PPP2R2C: variants seen among roughly 807,000 people sequenced by gnomAD.
PPP2R2C encodes protein phosphatase 2 regulatory subunit Bgamma.
In PPP2R2C, 10 loss-of-function variants were observed where a neutral mutation model predicts 45.3. The observed-to-expected ratio is 0.22, with a 90% CI of 0.14 to 0.37. The LOEUF (loss-of-function observed/expected upper bound fraction) is 0.37. Ranked by LOEUF, PPP2R2C falls within the 10% of genes least tolerant of loss-of-function variation. The probability of loss-of-function intolerance (pLI) is 1.00; values close to 1 mark genes in which losing one functional copy is unlikely to be tolerated. For synonymous variants in PPP2R2C, 257 were observed against 245.4 expected (o/e 1.05, Z -0.44); for missense variants, 308 against 619.7 (o/e 0.50, Z 5.34).
intron 1 of PPP2R2C, among the ~76,000 whole-genome samples, chr4:6,427,710 C>T (rs1033346063): frequency 6.6e-6 from 1 of 152,226 alleles, no homozygotes; most frequent in East Asian, 1.9e-4. Context: ...CTAACAGACA[C>T]GGAGCCCCTG....
intron 5 of PPP2R2C, among the ~76,000 whole-genome samples, chr4:6,357,487 G>A (rs964341692): frequency 1.3e-5 from 2 of 152,220 alleles, no homozygotes; most frequent in Admixed American, 1.3e-4. Flanking sequence ...CCAGCCAGAG[G>A]TGCTAGCTAA....
intron 1 of PPP2R2C, among the ~76,000 whole-genome samples, chr4:6,391,422 G>A (rs12647442): frequency 6.6e-6 from 1 of 152,018 alleles, no homozygotes; most frequent in Admixed American, 6.5e-5. Flanking sequence ...CTCTGCACAC[G>A]CGCTGGGCCT....
chr4:6,472,240 G>T lies in PPP2R2C; in HGVS notation c.-11C>A. On this transcript the variant is annotated 5_prime_UTR_variant, in exon 1 of 9. Transcript: ENST00000382599. ...CGTGTCCTCGCCCATTGAAGGCCGT[G>T]CCCGGTGCTCTGGGCATGCCCCGCC... 1 of 1,612,442 alleles carries T rather than the reference G, an allele frequency of 6.2e-7. No homozygotes were observed. The highest frequency in any genetic ancestry group is 2.2e-5 in the East Asian group (1 of 44,822).
intron 1 of PPP2R2C, chr4:6,421,221 G>T: frequency 2.7e-6 from 2 of 749,732 alleles, no homozygotes; most frequent in Non-Finnish European, 3.3e-6. Flanking sequence ...AGGAGCCAAT[G>T]CCACAAAGGA....
At chr4:6,493,237 G>A (rs903080047) in intron 2 of PPP2R2C, among the ~76,000 whole-genome samples, 2 of 151,808 alleles carry the variant, frequency 1.3e-5, no homozygotes, top group Admixed American at 6.6e-5. Flanking sequence ...ACACACGCAC[G>A]CGCGCGCACA....
At chr4:6,421,665 G>T (rs1255034678) in intron 1 of PPP2R2C, among the ~76,000 whole-genome samples, 1 of 151,968 alleles carries the variant, frequency 6.6e-6, no homozygotes, top group African/African-American at 2.4e-5. Flanking sequence ...TGAGAATGAC[G>T]AGGAGAGGGC....
chr4:6,384,162 A>G, intron 1 of PPP2R2C: 1 of 985,492 alleles, frequency 1.0e-6, no homozygotes, highest in Non-Finnish European at 1.2e-6. Context: ...GGACACCCAG[A>G]CACATCTGGG....
intron 2 of PPP2R2C, among the ~76,000 whole-genome samples, chr4:6,535,094 G>A (rs1724559670): frequency 6.6e-6 from 1 of 152,206 alleles, no homozygotes; most frequent in African/African-American, 2.4e-5. Context: ...CCAGGGCCCA[G>A]GCGGCAGGAG....
At chr4:6,514,332 G>A (rs977847725) in intron 2 of PPP2R2C, among the ~76,000 whole-genome samples, 2 of 152,186 alleles carry the variant, frequency 1.3e-5, no homozygotes, top group African/African-American at 4.8e-5. Flanking sequence ...CAGGTAAGAC[G>A]AGGTACTGCC....
chr4:6,323,237 C>T lies in PPP2R2C; in HGVS notation c.*65G>A, dbSNP rs1389079710. 11 of 1,522,944 alleles carry T rather than the reference C, an allele frequency of 7.2e-6. No individual in the cohort carries two copies. The Admixed American group carries it at 1.4e-4, about 20-fold the overall frequency. The allele number at this position is 1,522,944 out of a possible 1,614,324, so 94.3% of individuals were successfully genotyped here. A position where few individuals can be genotyped will look rare whatever the true frequency, so the allele number is the denominator to read the frequency against. On this transcript the variant is annotated 3_prime_UTR_variant, in exon 9 of 9. Transcript: ENST00000382599. ...TTTCTTCCCCTCCTTGCATTGCGGT[C>T]GTGAAGGTCATGTCGGGGATGACTT...
rs538667048 is a variant in PPP2R2C at position 6,330,960 on chromosome 4, C to T, written c.961-1607G>A. Among the ~76,000 whole-genome samples the T allele has an allele frequency of 3.9e-4, 59 of 152,142 alleles. No individual in the cohort carries two copies. Among genetic ancestry groups the T allele is most frequent in the Non-Finnish European group, 7.4e-4 (50 of 68,024 alleles). ...AAGCTGAGGGTCACTGTGTTCCTGT[C>T]TGTCTGGGACCCTCGAGGGTGAGGC... On this transcript the variant is annotated intron_variant, in intron 7 of 8. Transcript: ENST00000382599. This position sits in a 1 kb window ranked among gnomAD's most constrained non-coding sequence, Gnocchi z 7.0.
chr4:6,466,720 T>C (rs1721614989), intron 1 of PPP2R2C, among the ~76,000 whole-genome samples: 1 of 152,142 alleles, frequency 6.6e-6, no homozygotes, highest in South Asian at 2.1e-4. Context: ...CCCTTAGCTC[T>C]GCAAGCTTTA....
chr4:6,329,195 C>G lies in PPP2R2C; in HGVS notation c.1052+67G>C. 1 of 1,492,062 alleles carries G rather than the reference C, an allele frequency of 6.7e-7. No homozygotes were observed. The highest frequency in any genetic ancestry group is 2.3e-5 in the East Asian group (1 of 43,730). 92.4% of individuals were successfully genotyped at this position (1,492,062 alleles called of 1,614,324 possible). ...TGCTGCGGGTCACCGGAATCCCAGC[C>G]CAGACCCCTGCAGGGCAGAAACCCT... is the stretch of plus-strand genomic sequence containing the variant. On this transcript the variant is annotated intron_variant, in intron 8 of 8. Coordinates refer to ENST00000382599, the MANE Select transcript of PPP2R2C (RefSeq NM_020416.4). The surrounding 1 kb of genome is among the most constrained non-coding windows in gnomAD (Gnocchi z 5.8).
chr4:6,483,639 T>C (rs1722436723), intron 2 of PPP2R2C, among the ~76,000 whole-genome samples: 1 of 152,152 alleles, frequency 6.6e-6, no homozygotes, highest in Non-Finnish European at 1.5e-5. Context: ...GCCTTCTTAC[T>C]ATTGAGTTTT....
At position 6,515,799 on chromosome 4, in the gene PPP2R2C, GA is replaced by G. The variant is rs532828199; in HGVS notation, c.49+19471del. On this transcript the variant is annotated intron_variant, in intron 2 of 9. Coordinates refer to the PPP2R2C transcript ENST00000506140. ...AATAAAGTACTGTAAAGCTGTCCTG[GA>G]AACCAGAAGTCCAAGATCGAGGTGT... Among the ~76,000 whole-genome samples, 291 of 152,304 alleles carry G rather than the reference GA, an allele frequency of 1.9e-3. 1 individual carries two copies. Among genetic ancestry groups the G allele is most frequent in the African/African-American group, 6.6e-3 (274 of 41,562 alleles).
At chr4:6,404,417 G>A (rs758669112) in intron 1 of PPP2R2C, among the ~76,000 whole-genome samples, 1 of 152,160 alleles carries the variant, frequency 6.6e-6, no homozygotes, top group Non-Finnish European at 1.5e-5. Flanking sequence ...CCTTGGGGAC[G>A]GGTGCCAGCT....
At chr4:6,523,960 C>A (rs1349582559) in intron 2 of PPP2R2C, among the ~76,000 whole-genome samples, 1 of 152,198 alleles carries the variant, frequency 6.6e-6, no homozygotes. Context: ...GTTGACCAGG[C>A]TGGAGTGCAA....
intron 3 of PPP2R2C, among the ~76,000 whole-genome samples, chr4:6,376,791 G>C (rs1171630822): frequency 2.6e-5 from 4 of 152,214 alleles, no homozygotes; most frequent in Non-Finnish European, 4.4e-5. Flanking sequence ...AGGAGCAGGT[G>C]CATGGGGACA....
intron 4 of PPP2R2C, 85 bp downstream of exon 4, chr4:6,375,734 C>T: frequency 8.3e-7 from 1 of 1,210,090 alleles, no homozygotes; most frequent in Non-Finnish European, 1.2e-6. Flanking sequence ...CTGACTCTGG[C>T]TCAAATCTCA....
Sources: gnomAD v4.1 joint callset for allele counts (sites outside exome capture counted in the v4.1 genomes callset) on GRCh38, gnomAD v4.1.1 for gene constraint, Gnocchi (gnomAD v3.1) non-coding constraint, MANE v1.5 for transcripts, NCBI Gene and HGNC (gene_info 2026-07-23, HGNC 2026-07-21) for gene names.